NRG1: variants seen among roughly 807,000 people sequenced by gnomAD.
NRG1 encodes the protein neuregulin 1, also known as pro-neuregulin-1, membrane-bound isoform.
A neutral mutation model predicts 63.8 loss-of-function variants in NRG1; 18 were observed. That is an observed-to-expected ratio of 0.28 (90% CI 0.19 to 0.42). The LOEUF is 0.42. Ranked by LOEUF, NRG1 falls within the 10% of genes least tolerant of loss-of-function variation. The pLI, the probability that NRG1 is intolerant of heterozygous loss-of-function variation, is 1.00. For synonymous variants in NRG1, 302 were observed against 301.3 expected (o/e 1.00, Z -0.02); for missense variants, 762 against 814.7 (o/e 0.94, Z 0.79).
intron 1 of NRG1, among the ~76,000 whole-genome samples, chr8:32,283,569 C>T (rs1401542685): frequency 6.6e-6 from 1 of 151,994 alleles, no homozygotes; most frequent in East Asian, 1.9e-4. Flanking sequence ...AAAGGTAGTA[C>T]AAAACATCAG....
intron 5 of NRG1, among the ~76,000 whole-genome samples, chr8:32,635,186 A>G (rs1453204438): frequency 6.6e-6 from 1 of 152,200 alleles, no homozygotes; most frequent in Non-Finnish European, 1.5e-5. Context: ...TAAGATGGAA[A>G]TTATTTTAAT....
At chr8:32,078,443 G>T (rs1004676846) in intron 1 of NRG1, among the ~76,000 whole-genome samples, 25 of 152,106 alleles carry the variant, frequency 1.6e-4, no homozygotes, top group African/African-American at 5.8e-4. Flanking sequence ...TTTTCTTTAT[G>T]AATTATTCAG....
At chr8:32,205,964 C>T (rs1266764910) in intron 1 of NRG1, among the ~76,000 whole-genome samples, 1 of 150,916 alleles carries the variant, frequency 6.6e-6, no homozygotes, top group African/African-American at 2.4e-5. Flanking sequence ...ACAAATTAGC[C>T]ATGTGTGGTG....
intron 1 of NRG1, among the ~76,000 whole-genome samples, chr8:32,032,002 A>G (rs1262253862): frequency 6.6e-6 from 1 of 151,964 alleles, no homozygotes; most frequent in Non-Finnish European, 1.5e-5. Flanking sequence ...GGGTCAAATG[A>G]TATTTCTGGT....
chr8:31,915,871 C>G (rs868020577), intron 1 of NRG1, among the ~76,000 whole-genome samples: 2 of 152,066 alleles, frequency 1.3e-5, no homozygotes, highest in African/African-American at 2.4e-5. Flanking sequence ...GTACCCTTCT[C>G]TCTTGTAAGA....
At chr8:32,655,694 C>T (rs990305749) in intron 5 of NRG1, among the ~76,000 whole-genome samples, 4 of 152,090 alleles carry the variant, frequency 2.6e-5, no homozygotes, top group African/African-American at 9.7e-5. Context: ...GGTTAGAATA[C>T]ATAGATTATT....
chr8:32,726,909 A>G (rs1224759436), intron 5 of NRG1, among the ~76,000 whole-genome samples: 2 of 149,776 alleles, frequency 1.3e-5, no homozygotes, highest in Non-Finnish European at 2.9e-5. Flanking sequence ...AATTGCCTCT[A>G]AAGATGGATT....
intron 1 of NRG1, among the ~76,000 whole-genome samples, chr8:31,770,629 AG>A (rs34389889): frequency 2.9e-5 from 4 of 136,778 alleles, no homozygotes; most frequent in Non-Finnish European, 1.6e-5. Context: ...GGGTGGGGGT[AG>A]GGGGGAGGGA....
At chr8:31,931,283 A>AAAAT (rs905005166) in intron 1 of NRG1, among the ~76,000 whole-genome samples, 10 of 152,186 alleles carry the variant, frequency 6.6e-5, no homozygotes, top group South Asian at 4.1e-4. Flanking sequence ...GTGGGATCCC[A>AAAAT]AAATAAATAA....
At chr8:32,706,844 A>G (rs1207306107) in intron 5 of NRG1, among the ~76,000 whole-genome samples, 1 of 152,138 alleles carries the variant, frequency 6.6e-6, no homozygotes, top group Admixed American at 6.5e-5. Flanking sequence ...GGTCGTTAAA[A>G]TGTATAGTCA....
chr8:31,870,125 C>CCCT (rs1287977811), intron 1 of NRG1, among the ~76,000 whole-genome samples: 1 of 152,062 alleles, frequency 6.6e-6, no homozygotes, highest in Non-Finnish European at 1.5e-5. Context: ...GGATTATCTT[C>CCCT]TGGTTGCTAG....
intron 1 of NRG1, among the ~76,000 whole-genome samples, chr8:31,777,668 A>G (rs1044498151): frequency 1.3e-5 from 2 of 152,254 alleles, no homozygotes; most frequent in African/African-American, 4.8e-5. Flanking sequence ...GCGTGGCGCC[A>G]CATCATCTGC....
chr8:31,759,894 T>C (rs1219007217), intron 1 of NRG1, among the ~76,000 whole-genome samples: 6 of 152,158 alleles, frequency 3.9e-5, no homozygotes, highest in Non-Finnish European at 7.4e-5. Context: ...TCACCAATGT[T>C]TTGTAGTTTC....
At chr8:32,506,547 G>A (rs1828551407) in intron 1 of NRG1, among the ~76,000 whole-genome samples, 1 of 152,116 alleles carries the variant, frequency 6.6e-6, no homozygotes, top group Non-Finnish European at 1.5e-5. Context: ...AGGAGGAAAA[G>A]GATTAATCAC....
Position 32,345,400 on chromosome 8 carries a change from G to A in NRG1, c.38-250428G>A, listed in dbSNP as rs145967633. 5.5e-3 allele frequency among the ~76,000 whole-genome samples: 839 copies of A among 152,254 alleles called. 28 individuals carry two copies. The highest frequency in any genetic ancestry group is 0.046 in the Admixed American group (700 of 15,276). ...GGCTTCATCTGTGAGTTGTAAGCCT[G>A]TAAATCCTCTGTTTCAGTGGTTTCA... On this transcript the variant is annotated intron_variant, in intron 1 of 10. Coordinates refer to the NRG1 transcript ENST00000519301.
intron 1 of NRG1, among the ~76,000 whole-genome samples, chr8:31,825,919 G>A (rs560880063): frequency 7.9e-5 from 12 of 152,200 alleles, no homozygotes; most frequent in South Asian, 2.1e-4. Flanking sequence ...GCTACATTGC[G>A]GAGACAGGGC....
At chr8:32,132,662 G>A (rs1040756008) in intron 1 of NRG1, among the ~76,000 whole-genome samples, 1 of 152,066 alleles carries the variant, frequency 6.6e-6, no homozygotes, top group Non-Finnish European at 1.5e-5. Flanking sequence ...GTGTTTGTGT[G>A]TGAATGCATG....
chr8:32,716,058 T>C (rs941813044), intron 5 of NRG1, among the ~76,000 whole-genome samples: 2 of 152,182 alleles, frequency 1.3e-5, no homozygotes, highest in Non-Finnish European at 2.9e-5. Flanking sequence ...AACCAGCCTG[T>C]CATCTGTGAA....
chr8:31,836,522 T>C (rs910566991), intron 1 of NRG1, among the ~76,000 whole-genome samples: 3 of 152,094 alleles, frequency 2.0e-5, no homozygotes, highest in African/African-American at 7.2e-5. Flanking sequence ...TGTGTATTGT[T>C]CTCTCATCTT....
Sources: allele counts gnomAD v4.1 joint callset (sites outside exome capture counted in the v4.1 genomes callset), GRCh38; gene constraint gnomAD v4.1.1; transcripts MANE v1.5; gene names NCBI Gene and HGNC (gene_info 2026-07-23, HGNC 2026-07-21).